Variants in MEF2C observed in about 807,000 individuals in gnomAD.
The protein encoded by MEF2C is myocyte enhancer factor 2C.
A neutral mutation model predicts 50.5 loss-of-function variants in MEF2C; 6 were observed. The ratio of observed to expected loss-of-function variants is 0.12; its 90% CI spans 0.07 to 0.23. MEF2C has a LOEUF of 0.23. Among genes scored for constraint, MEF2C ranks in the 10% least tolerant of loss-of-function variants. MEF2C has a pLI of 1.00. For missense variants in MEF2C, 276 were observed against 605.0 expected (o/e 0.46, Z 5.70); for synonymous variants, 183 against 228.0 (o/e 0.80, Z 1.78).
In MEF2C at chr5:88,722,671, G is replaced by A; in HGVS notation, c.1355C>T (p.Pro452Leu). 6.2e-7 allele frequency: 1 copy of A among 1,613,842 alleles called. No individual in the cohort carries two copies. Among genetic ancestry groups the A allele is most frequent in the Non-Finnish European group, 8.5e-7 (1 of 1,179,868 alleles). Residue 452 changes from proline to leucine, a missense_variant, in exon 11 of 11, where the codon CCT (proline) becomes CTT (leucine). Around this residue, in one of 2 missense-constraint regions of MEF2C, gnomAD observed 256 missense variants for 468.1 expected, o/e 0.55. Coordinates refer to ENST00000504921, the MANE Select transcript of MEF2C (RefSeq NM_002397.5). ...GGGACTTTCCCTTTCGTCCGGCGAA[G>A]GTCTGGTGAGTCCAATGGGGGAGTG... ...EFHSPIGLTR[P>L]SPDERESPSV...
chr5:88,755,734 C>CT (rs1173115606), intron 4 of MEF2C, among the ~76,000 whole-genome samples: 1 of 152,226 alleles, frequency 6.6e-6, no homozygotes, highest in African/African-American at 2.4e-5. Context: ...ATCTAAGGAT[C>CT]TGCTATAAAA....
chr5:88,894,819 A>G (rs879476640), intron 1 of MEF2C, among the ~76,000 whole-genome samples: 1 of 152,236 alleles, frequency 6.6e-6, no homozygotes, highest in African/African-American at 2.4e-5. Flanking sequence ...TAATAGTTAT[A>G]GATCATGTAT....
At chr5:88,844,039 T>C (rs941066650) in intron 1 of MEF2C, among the ~76,000 whole-genome samples, 3 of 152,200 alleles carry the variant, frequency 2.0e-5, no homozygotes, top group Non-Finnish European at 4.4e-5. Flanking sequence ...CTTGATCTCC[T>C]GACCTCGTGA....
At chr5:88,849,740 T>C (rs1255747543) in intron 1 of MEF2C, among the ~76,000 whole-genome samples, 1 of 152,156 alleles carries the variant, frequency 6.6e-6, no homozygotes, top group Non-Finnish European at 1.5e-5. Flanking sequence ...TAATTTGAAT[T>C]GAAACCATTA....
chr5:88,817,275 G>A (rs1267565739), intron 2 of MEF2C, among the ~76,000 whole-genome samples: 1 of 151,914 alleles, frequency 6.6e-6, no homozygotes, highest in East Asian at 1.9e-4. Flanking sequence ...AAAGTAAGGA[G>A]TAAAATTTTT....
At chr5:88,755,587 T>C (rs762690799) in intron 4 of MEF2C, among the ~76,000 whole-genome samples, 2 of 152,168 alleles carry the variant, frequency 1.3e-5, no homozygotes, top group Non-Finnish European at 2.9e-5. Context: ...GTGTCTCAGG[T>C]TTTAGGAAAA....
intron 3 of MEF2C, among the ~76,000 whole-genome samples, chr5:88,796,437 T>C (rs952646455): frequency 1.3e-5 from 2 of 152,220 alleles, no homozygotes; most frequent in African/African-American, 2.4e-5. Context: ...GAGGTGTTTA[T>C]AGTATTCTTT....
rs556085756 is a variant in MEF2C at position 88,810,387 on chromosome 5, C to A, written c.55-5586G>T. ...CAAGAAAAATATACTTCAAAAAATT[C>A]AGAGAAAAGTTTTTTTCTTTTTTAT... On this transcript the variant is annotated intron_variant, in intron 2 of 10. Transcript: ENST00000504921. 5.3e-5 allele frequency among the ~76,000 whole-genome samples: 8 copies of A among 151,910 alleles called. No individual in the cohort carries two copies. In the South Asian group the frequency reaches 1.7e-3, roughly 32 times the overall value.
At chr5:88,789,530 TACA>T (rs1253778828) in intron 3 of MEF2C, among the ~76,000 whole-genome samples, 1 of 152,170 alleles carries the variant, frequency 6.6e-6, no homozygotes, top group Non-Finnish European at 1.5e-5. Context: ...TTTTACTGTT[TACA>T]ACGTTTCTTA....
At chr5:88,859,798 G>C (rs967830980) in intron 1 of MEF2C, among the ~76,000 whole-genome samples, 5 of 152,184 alleles carry the variant, frequency 3.3e-5, no homozygotes, top group African/African-American at 9.7e-5. Flanking sequence ...CAACAAATTT[G>C]AGGTTTTATT....
intron 1 of MEF2C, among the ~76,000 whole-genome samples, chr5:88,859,335 C>T (rs1457296059): frequency 6.6e-6 from 1 of 152,132 alleles, no homozygotes; most frequent in East Asian, 1.9e-4. Flanking sequence ...AGCAAGACAC[C>T]CAGTGACAAG....
chr5:88,863,653 C>A (rs143031845), intron 1 of MEF2C, among the ~76,000 whole-genome samples: 1 of 152,170 alleles, frequency 6.6e-6, no homozygotes, highest in East Asian at 1.9e-4. Context: ...CATCCACTCC[C>A]GCCTCCATTT....
intron 2 of MEF2C, among the ~76,000 whole-genome samples, chr5:88,813,279 A>C (rs1581109904): frequency 6.6e-6 from 1 of 152,144 alleles, no homozygotes; most frequent in South Asian, 2.1e-4. Context: ...GTCTGCTTAC[A>C]GCTAGAATAA....
chr5:88,785,617 G>A lies in MEF2C; in HGVS notation c.258+18981C>T, dbSNP rs534755171. 9.2e-5 allele frequency: 14 copies of A among 152,238 alleles called. No homozygotes were observed. In the East Asian group the frequency reaches 2.3e-3, roughly 25 times the overall value. The allele number at this position is 152,238 out of a possible 1,614,324, so 9.4% of individuals were successfully genotyped here. ...GCTGTGAAACTCCTTAAAGTTTTGA[G>A]TTTAATTGCAAGCAGTAAGTGGTTT... On this transcript the variant is annotated intron_variant, in intron 3 of 10. Coordinates refer to ENST00000504921, the MANE Select transcript of MEF2C (RefSeq NM_002397.5).
intron 1 of MEF2C, among the ~76,000 whole-genome samples, chr5:88,831,779 C>A (rs375781728): frequency 1.9e-4 from 29 of 152,048 alleles, no homozygotes; most frequent in African/African-American, 7.0e-4. Context: ...TATTTCTCTT[C>A]ATCTCTTTTA....
intron 3 of MEF2C, chr5:88,785,361 T>C (rs1254509187): frequency 6.6e-6 from 1 of 151,320 alleles, no homozygotes; most frequent in Non-Finnish European, 1.5e-5. Flanking sequence ...TTGTTGAAAC[T>C]AAAAGCCATC....
chr5:88,799,623 G>C (rs1014780052), intron 3 of MEF2C, among the ~76,000 whole-genome samples: 2 of 152,152 alleles, frequency 1.3e-5, no homozygotes, highest in Non-Finnish European at 2.9e-5. Flanking sequence ...CCATTGTGAA[G>C]CTATACAAGT....
At chr5:88,761,106 TTTTC>T in intron 4 of MEF2C, 75 bp downstream of exon 4, 1 of 1,614,032 alleles carries the variant, frequency 6.2e-7, no homozygotes, top group South Asian at 1.1e-5. Context: ...ACAGCCTTTG[TTTTC>T]TTTCTTGTTC....
chr5:88,779,907 G>A (rs976848494), intron 3 of MEF2C, among the ~76,000 whole-genome samples: 5 of 151,982 alleles, frequency 3.3e-5, no homozygotes, highest in Non-Finnish European at 7.4e-5. Flanking sequence ...CACTTTGGGA[G>A]GCCAAGGCGG....
Sources: gnomAD v4.1 joint callset for allele counts (sites outside exome capture counted in the v4.1 genomes callset) on GRCh38, gnomAD v4.1.1 for gene constraint, gnomAD v4.1.1 regional missense constraint, MANE v1.5 for transcripts, NCBI Gene and HGNC (gene_info 2026-07-23, HGNC 2026-07-21) for gene names.